Variants in PSMD11 observed in about 807,000 individuals in gnomAD.
The protein encoded by PSMD11 is 26S proteasome non-ATPase regulatory subunit 11.
A neutral mutation model predicts 62.3 loss-of-function variants in PSMD11; 5 were observed. That is an observed-to-expected ratio of 0.08 (90% CI 0.04 to 0.17). The LOEUF (loss-of-function observed/expected upper bound fraction) is 0.17. Ranked by LOEUF, PSMD11 falls within the 10% of genes least tolerant of loss-of-function variation. The pLI, the probability that PSMD11 is intolerant of heterozygous loss-of-function variation, is 1.00. For synonymous variants in PSMD11, 191 were observed against 191.8 expected (o/e 1.00, Z 0.03); for missense variants, 310 against 512.9 (o/e 0.60, Z 3.82).
chr17:32,480,082 A>G (rs1419630620), intron 11 of PSMD11, 64 bp from the exon 12 acceptor site: 9 of 1,563,052 alleles, frequency 5.8e-6, no homozygotes, highest in Admixed American at 3.3e-5. Flanking sequence ...CAACAAAGCT[A>G]CTGTGTCAGG....
At chr17:32,474,229 C>T in intron 7 of PSMD11, 2 of 476,144 alleles carry the variant, frequency 4.2e-6, no homozygotes, top group Non-Finnish European at 7.5e-6. Context: ...GTGCAGAGCA[C>T]AGGACAGAGG....
intron 6 of PSMD11, 135 bp from the exon 7 acceptor site, chr17:32,473,666 C>T: frequency 1.3e-6 from 1 of 792,490 alleles, no homozygotes; most frequent in Non-Finnish European, 2.0e-6. Flanking sequence ...CCTCCCATCT[C>T]AGCCTCCCAA....
At chr17:32,469,673 C>T (rs1908103521) in intron 6 of PSMD11, among the ~76,000 whole-genome samples, 1 of 151,222 alleles carries the variant, frequency 6.6e-6, no homozygotes, top group African/African-American at 2.4e-5. Context: ...CATGGATTGG[C>T]AGGTGGAATA....
chr17:32,447,274 G>A, intron 2 of PSMD11: 1 of 423,636 alleles, frequency 2.4e-6, no homozygotes, highest in Non-Finnish European at 4.2e-6. Context: ...GGGATATAGT[G>A]ATTTCTGATT....
At chr17:32,464,709 C>T (rs1907944944) in intron 5 of PSMD11, 131 bp downstream of exon 5, 1 of 626,330 alleles carries the variant, frequency 1.6e-6, no homozygotes, top group African/African-American at 1.9e-5. Context: ...AAGTAGCTTA[C>T]AGTTCTGCAT....
chr17:32,454,484 C>T lies in PSMD11; in HGVS notation c.194-11C>T. ...ATGTTTACTCCTCTTTTTGAATTGCCTTTCCTACAGAGCTTGGAGGACTCC... is the reference window on the plus strand; with the variant it reads ...ATGTTTACTCCTCTTTTTGAATTGCTTTTCCTACAGAGCTTGGAGGACTCC... On this transcript the variant is annotated splice_polypyrimidine_tract_variant and intron_variant, in intron 2 of 13. Transcript: ENST00000261712. 3.7e-6 allele frequency: 6 copies of T among 1,608,808 alleles called. No individual in the cohort carries two copies. Among genetic ancestry groups the T allele is most frequent in the Non-Finnish European group, 5.1e-6 (6 of 1,178,426 alleles).
intron 2 of PSMD11, among the ~76,000 whole-genome samples, chr17:32,448,280 G>A (rs1907388644): frequency 6.6e-6 from 1 of 152,046 alleles, no homozygotes; most frequent in Admixed American, 6.5e-5. Context: ...GTTTACATGG[G>A]CCTTATATCT....
intron 5 of PSMD11, among the ~76,000 whole-genome samples, chr17:32,466,030 CTG>C (rs1304920966): frequency 6.6e-6 from 1 of 151,908 alleles, no homozygotes; most frequent in Non-Finnish European, 1.5e-5. Context: ...GAGTCTCACT[CTG>C]TCGTCCAGGC....
At chr17:32,454,658 A>G (rs1254210183) in intron 3 of PSMD11, 39 bp downstream of exon 3, 2 of 1,600,406 alleles carry the variant, frequency 1.2e-6, no homozygotes, top group Non-Finnish European at 1.7e-6. Context: ...CAATATGGAG[A>G]AAAGTTTGTT....
rs1908548951 is a variant in PSMD11 at position 32,482,942 on chromosome 17, G to T, written c.*2190G>T. 6.6e-6 allele frequency: 1 copy of T among 152,192 alleles called. No individual in the cohort carries two copies. The highest frequency in any genetic ancestry group is 2.1e-4 in the South Asian group (1 of 4,838). 9.4% of individuals were successfully genotyped at this position (152,192 alleles called of 1,614,324 possible). ...GTATTTCACTTGCAGAAAGAGCTTT[G>T]CTTCTATAAAGGACTTTAAAAAGTA... On this transcript the variant is annotated 3_prime_UTR_variant, in exon 14 of 14. Transcript: ENST00000261712.
rs563009418 is a variant in PSMD11 at position 32,467,069 on chromosome 17, C to T, written c.449-1930C>T. Among the ~76,000 whole-genome samples the T allele has an allele frequency of 1.4e-4, 21 of 151,790 alleles. No individual in the cohort carries two copies. The East Asian group carries it at 4.1e-3, about 29-fold the overall frequency. On this transcript the variant is annotated intron_variant, in intron 5 of 13. Coordinates refer to ENST00000261712, the MANE Select transcript of PSMD11 (RefSeq NM_002815.4). ...AAGCAATTCTCCTGCCTCAGCCTCCCAAGTACCTGGGATTATGGGCACGCA... is the reference window on the plus strand; with the variant it reads ...AAGCAATTCTCCTGCCTCAGCCTCCTAAGTACCTGGGATTATGGGCACGCA...
rs1163805947 is a variant in PSMD11 at position 32,468,916 on chromosome 17, T to G, written c.449-83T>G. The G allele has an allele frequency of 4.8e-6, 6 of 1,244,938 alleles. No individual in the cohort carries two copies. In the East Asian group the frequency reaches 1.0e-4, roughly 21 times the overall value. 77.1% of individuals were successfully genotyped at this position (1,244,938 alleles called of 1,614,324 possible). On this transcript the variant is annotated intron_variant, in intron 5 of 13. Transcript: ENST00000261712. ...AGGAATTTTTTTTTTTTTTTAATCC[T>G]GAGTGTTATGAGGGTGGGAGAGTGA...
chr17:32,477,952 C>T (rs568917597), intron 9 of PSMD11: 95 of 160,022 alleles, frequency 5.9e-4, no homozygotes, highest in Non-Finnish European at 1.0e-3. Context: ...TGACTCTAGG[C>T]CTAGTGCTTG....
At position 32,480,571 on chromosome 17, in the gene PSMD11, A is replaced by G; in HGVS notation, c.1209A>G (p.Thr403=). The G allele has an allele frequency of 6.2e-7, 1 of 1,614,142 alleles. No individual in the cohort carries two copies. The highest frequency in any genetic ancestry group is 1.3e-5 in the African/African-American group (1 of 75,040). Residue 403 remains threonine (T), a synonymous_variant, in exon 13 of 14, where the codon ACA becomes ACG. Coordinates refer to ENST00000261712, the MANE Select transcript of PSMD11 (RefSeq NM_002815.4). ...VDKTYEAALE[T]IQNMSKVVDS... ...AAACTTACGAAGCTGCTCTGGAAAC[A>G]ATTCAGAACATGAGCAAAGTAGTGG...
Position 32,480,639 on chromosome 17 carries a change from C to A in PSMD11, c.*8C>A, listed in dbSNP as rs1908460812. On this transcript the variant is annotated splice_region_variant and intron_variant, in intron 13 of 13. Transcript: ENST00000261712. The stretch of plus-strand genomic sequence containing the variant: ...GCCAAGAAACTGACATAGGTGAGTG[C>A]TGGCTTCAGGACCCCAGGGCTGGGC... 6.2e-7 allele frequency: 1 copy of A among 1,613,924 alleles called. No individual in the cohort carries two copies. Among genetic ancestry groups the A allele is most frequent in the Non-Finnish European group, 8.5e-7 (1 of 1,179,968 alleles).
chr17:32,479,972 A>G, intron 11 of PSMD11, 86 bp downstream of exon 11: 2 of 1,523,318 alleles, frequency 1.3e-6, no homozygotes, highest in Non-Finnish European at 9.1e-7. Context: ...GCCTCATTGG[A>G]AAGCTCCCCA....
chr17:32,472,235 T>C (rs1484982994), intron 6 of PSMD11, among the ~76,000 whole-genome samples: 1 of 151,780 alleles, frequency 6.6e-6, no homozygotes, highest in African/African-American at 2.4e-5. Flanking sequence ...GTTTTTTTTT[T>C]TTTTTGAGAC....
At position 32,480,984 on chromosome 17, in the gene PSMD11, A is replaced by G. The variant is rs919003473; in HGVS notation, c.*232A>G. The G allele has an allele frequency of 5.6e-6, 1 of 178,262 alleles. No individual in the cohort carries two copies. Among genetic ancestry groups the G allele is most frequent in the African/African-American group, 2.4e-5 (1 of 42,254 alleles). The allele number at this position is 178,262 out of a possible 1,614,324, so 11.0% of individuals were successfully genotyped here. A position where few individuals can be genotyped will look rare whatever the true frequency, so the allele number is the denominator to read the frequency against. On this transcript the variant is annotated 3_prime_UTR_variant, in exon 14 of 14. Transcript: ENST00000261712. ...GCTTAAAAAAAAAGAAAAAGAAAAAAAAAAAGATTATTCTAAATAAAAGGA... is the reference window on the plus strand; with the variant it reads ...GCTTAAAAAAAAAGAAAAAGAAAAAGAAAAAGATTATTCTAAATAAAAGGA...
intron 2 of PSMD11, among the ~76,000 whole-genome samples, chr17:32,448,164 C>A: frequency 6.8e-6 from 1 of 148,096 alleles, no homozygotes; most frequent in South Asian, 2.1e-4. Flanking sequence ...CAGGTGTGAG[C>A]CATTGTGCCC....
Sources: gnomAD v4.1 joint callset for allele counts (sites outside exome capture counted in the v4.1 genomes callset) on GRCh38, gnomAD v4.1.1 for gene constraint, MANE v1.5 for transcripts, NCBI Gene and HGNC (gene_info 2026-07-23, HGNC 2026-07-21) for gene names.